The following LSAMP variants were observed in gnomAD, a reference collection of about 807,000 sequenced individuals.
LSAMP encodes the protein limbic system associated membrane protein, also known as limbic system-associated membrane protein.
A neutral mutation model predicts 38.6 loss-of-function variants in LSAMP; 7 were observed. The observed-to-expected ratio is 0.18, with a 90% confidence interval of 0.10 to 0.34. The LOEUF is 0.34. Ranked by LOEUF, LSAMP falls within the 10% of genes least tolerant of loss-of-function variation. The probability of loss-of-function intolerance (pLI) is 1.00; values close to 1 mark genes in which losing one functional copy is unlikely to be tolerated. For synonymous variants in LSAMP, 154 were observed against 166.8 expected, an observed-to-expected ratio of 0.92 and a Z score of 0.59; for missense variants, 313 against 420.0, an observed-to-expected ratio of 0.75 and a Z score of 2.23.
chr3:116,436,158 G>A (rs1284381053), intron 1 of LSAMP, among the ~76,000 whole-genome samples: 1 of 152,150 alleles, frequency 6.6e-6, no homozygotes, highest in Non-Finnish European at 1.5e-5. Context: ...TGGCTAGAAT[G>A]AAACTGGATC....
chr3:116,159,672 A>T (rs1038241373), intron 1 of LSAMP, among the ~76,000 whole-genome samples: 1 of 152,200 alleles, frequency 6.6e-6, no homozygotes, highest in Non-Finnish European at 1.5e-5. Context: ...TAATTCAGTC[A>T]TTGTGGAAAG....
At chr3:115,969,866 A>G (rs532730623) in intron 3 of LSAMP, among the ~76,000 whole-genome samples, 4 of 152,326 alleles carry the variant, frequency 2.6e-5, no homozygotes, top group South Asian at 4.1e-4. Flanking sequence ...TTAACGTCAC[A>G]TCATACTGCC....
intron 6 of LSAMP, among the ~76,000 whole-genome samples, chr3:115,810,659 G>A (rs1485561673): frequency 6.6e-6 from 1 of 152,208 alleles, no homozygotes; most frequent in Non-Finnish European, 1.5e-5. Context: ...CTTTTGCCGG[G>A]TAAGTCCTTA....
At chr3:116,032,124 C>T (rs1382042891) in intron 2 of LSAMP, among the ~76,000 whole-genome samples, 4 of 151,788 alleles carry the variant, frequency 2.6e-5, no homozygotes, top group African/African-American at 9.7e-5. Flanking sequence ...ATTTTTTTTC[C>T]TTTTTATCTT....
chr3:116,249,846 T>C (rs771205747), intron 1 of LSAMP, among the ~76,000 whole-genome samples: 30 of 152,174 alleles, frequency 2.0e-4, no homozygotes, highest in Non-Finnish European at 7.3e-5. Context: ...TATTATTGTC[T>C]TAATTATTAC....
intron 1 of LSAMP, among the ~76,000 whole-genome samples, chr3:116,202,869 A>C (rs1298079540): frequency 3.9e-5 from 6 of 152,188 alleles, no homozygotes; most frequent in African/African-American, 1.2e-4. Flanking sequence ...CTGCAAATTA[A>C]GTATTCAAGT....
chr3:116,036,971 T>A (rs1166283069), intron 2 of LSAMP, among the ~76,000 whole-genome samples: 1 of 152,182 alleles, frequency 6.6e-6, no homozygotes, highest in Non-Finnish European at 1.5e-5. Flanking sequence ...TGGTATCTTT[T>A]GTACCTGCAG....
At chr3:116,215,761 A>G (rs536861345) in intron 1 of LSAMP, among the ~76,000 whole-genome samples, 4 of 152,292 alleles carry the variant, frequency 2.6e-5, no homozygotes, top group South Asian at 2.1e-4. Flanking sequence ...TGGTTGTACA[A>G]TGGCACAATA....
At chr3:116,375,040 A>G (rs1170787512) in intron 1 of LSAMP, among the ~76,000 whole-genome samples, 2 of 151,996 alleles carry the variant, frequency 1.3e-5, no homozygotes, top group African/African-American at 2.4e-5. Flanking sequence ...TAAATAAGTC[A>G]TCTACTTCAC....
intron 1 of LSAMP, among the ~76,000 whole-genome samples, chr3:116,230,889 A>G (rs2046395909): frequency 6.6e-6 from 1 of 152,212 alleles, no homozygotes; most frequent in African/African-American, 2.4e-5. Context: ...AGAGAAAAGG[A>G]GGGGTAAAGG....
intron 3 of LSAMP, among the ~76,000 whole-genome samples, chr3:115,901,988 A>G (rs1445855951): frequency 6.6e-6 from 1 of 152,042 alleles, no homozygotes; most frequent in Non-Finnish European, 1.5e-5. Context: ...CTAGATAAGA[A>G]AAAACCCTGT....
chr3:115,991,512 T>G lies in LSAMP; in HGVS notation c.514+28003A>C, dbSNP rs1576288950. On this transcript the variant is annotated intron_variant, in intron 3 of 6. Coordinates refer to ENST00000490035, the MANE Select transcript of LSAMP (RefSeq NM_002338.5). ...TACCTGAGCCAGAGTAATATTTTTA[T>G]TGTAAATTGATAATTTATAATTGTA... 3.9e-5 allele frequency among the ~76,000 whole-genome samples: 6 copies of G among 152,234 alleles called. No individual in the cohort carries two copies. In the South Asian group the frequency reaches 1.2e-3, roughly 32 times the overall value.
intron 1 of LSAMP, among the ~76,000 whole-genome samples, chr3:116,191,657 G>A (rs1710757647): frequency 1.3e-5 from 2 of 151,624 alleles, no homozygotes; most frequent in South Asian, 2.1e-4. Context: ...TAGTTTCCGG[G>A]TTTAGCTCTT....
intron 3 of LSAMP, among the ~76,000 whole-genome samples, chr3:116,001,592 G>A (rs1939995198): frequency 6.6e-6 from 1 of 152,234 alleles, no homozygotes. Flanking sequence ...TGTCAGCAGA[G>A]CTGAGCTCCT....
chr3:116,150,939 G>A (rs1709596655), intron 1 of LSAMP, among the ~76,000 whole-genome samples: 1 of 151,868 alleles, frequency 6.6e-6, no homozygotes, highest in African/African-American at 2.4e-5. Context: ...AACTATCTTT[G>A]GCTAATAATA....
At chr3:115,968,835 G>T (rs1938913755) in intron 3 of LSAMP, among the ~76,000 whole-genome samples, 1 of 152,146 alleles carries the variant, frequency 6.6e-6, no homozygotes, top group South Asian at 2.1e-4. Context: ...AGAGTGCCTT[G>T]GTCTGCAATG....
At chr3:116,078,606 G>A (rs138202663) in intron 2 of LSAMP, among the ~76,000 whole-genome samples, 3,014 of 152,264 alleles carry the variant, frequency 0.02, 101 homozygotes, top group African/African-American at 0.069. Context: ...GATTACAGGC[G>A]TGAGCCACTG....
chr3:116,179,030 T>TAA lies in LSAMP; in HGVS notation c.156-92476_156-92475dup, dbSNP rs11402534. Among the ~76,000 whole-genome samples, 209 of 148,498 alleles carry TAA rather than the reference T, an allele frequency of 1.4e-3. 2 individuals are homozygous for TAA. Among genetic ancestry groups the TAA allele is most frequent in the Middle Eastern group, 3.5e-3 (1 of 284 alleles). On this transcript the variant is annotated intron_variant, in intron 1 of 6. Transcript: ENST00000490035. Reference sequence around the variant, plus strand: ...TCTCAGCTACCCAACTTTTACTACCTAAAAAAAAAAAATGCCTCTTAACAG... The same window carrying TAA: ...TCTCAGCTACCCAACTTTTACTACCTAAAAAAAAAAAAAATGCCTCTTAACAG...
At chr3:116,042,097 C>A (rs1183233473) in intron 2 of LSAMP, among the ~76,000 whole-genome samples, 1 of 152,136 alleles carries the variant, frequency 6.6e-6, no homozygotes, top group Admixed American at 6.5e-5. Context: ...TGAACAGGAT[C>A]TTCACTGCCT....
Sources: gnomAD v4.1 joint callset for allele counts (sites outside exome capture counted in the v4.1 genomes callset) on GRCh38, gnomAD v4.1.1 for gene constraint, MANE v1.5 for transcripts, NCBI Gene and HGNC (gene_info 2026-07-23, HGNC 2026-07-21) for gene names.